DGKK: variants seen among roughly 807,000 people sequenced by gnomAD.
DGKK encodes diacylglycerol kinase kappa, also known as 142 kDa diacylglycerol kinase.
In DGKK, 35 loss-of-function variants were observed where a neutral mutation model predicts 92.2. The ratio of observed to expected loss-of-function variants is 0.38; its 90% CI spans 0.29 to 0.50. DGKK has a LOEUF of 0.50. Among genes scored for constraint, DGKK ranks in the 20% least tolerant of loss-of-function variants. DGKK has a pLI of 0.92. For synonymous variants in DGKK, 368 were observed against 360.6 expected, an observed-to-expected ratio of 1.02 and a Z score of -0.23; for missense variants, 910 against 992.2, an observed-to-expected ratio of 0.92 and a Z score of 1.11.
intron 1 of DGKK, among the ~76,000 whole-genome samples, chrX:50,459,902 C>T (rs932293909): frequency 2.7e-5 from 3 of 112,229 alleles, no homozygotes; most frequent in African/African-American, 9.7e-5. Flanking sequence ...GCTTCATTTA[C>T]TGTCCTCTTT....
In DGKK at chrX:50,375,093, CAA is replaced by C. The variant is rs1924237541; in HGVS notation, c.3415-38_3415-37del. The C allele has an allele frequency of 4.6e-6, 5 of 1,091,890 alleles. No individual in the cohort carries two copies. The East Asian group carries it at 1.5e-4, about 33-fold the overall frequency. The allele number at this position is 1,091,890 out of a possible 1,213,427, so 90.0% of individuals were successfully genotyped here. A position where few individuals can be genotyped will look rare whatever the true frequency, so the allele number is the denominator to read the frequency against. On this transcript the variant is annotated intron_variant, in intron 24 of 27. Coordinates refer to ENST00000611977, the MANE Select transcript of DGKK (RefSeq NM_001013742.4). ...AAGAACGGAAAAGGAGAGAAAAAGA[CAA>C]AGACAGGGGAGTTGTTGGTTAGTAA...
At position 50,368,833 on chromosome X, in the gene DGKK, G is replaced by A. The variant is rs782191659; in HGVS notation, c.*107C>T. On this transcript the variant is annotated 3_prime_UTR_variant, in exon 28 of 28. Coordinates refer to ENST00000611977, the MANE Select transcript of DGKK (RefSeq NM_001013742.4). Reference sequence around the variant, plus strand: ...GAAAAGAATTGGAGGGTCTTTCTTGGTGGTGCTCATGTTTGTTCTGAAATG... The same window carrying A: ...GAAAAGAATTGGAGGGTCTTTCTTGATGGTGCTCATGTTTGTTCTGAAATG... 36 of 617,105 alleles carry A rather than the reference G, an allele frequency of 5.8e-5. No individual in the cohort carries two copies. The highest frequency in any genetic ancestry group is 8.2e-5 in the Non-Finnish European group (33 of 404,499). 50.9% of individuals were successfully genotyped at this position (617,105 alleles called of 1,213,427 possible).
At chrX:50,401,827 A>G (rs180676355) in intron 7 of DGKK, among the ~76,000 whole-genome samples, 177 of 111,461 alleles carry the variant, frequency 1.6e-3, no homozygotes, top group Non-Finnish European at 2.8e-3. Flanking sequence ...TAGAAAACTC[A>G]GTTTTGGAGA....
chrX:50,440,076 T>C (rs1259949204), intron 1 of DGKK, among the ~76,000 whole-genome samples: 1 of 111,807 alleles, frequency 8.9e-6, no homozygotes, highest in Non-Finnish European at 1.9e-5. Flanking sequence ...GAATGTTTAT[T>C]ATTAAAACAT....
chrX:50,455,417 CTA>C (rs1361666507), intron 1 of DGKK, among the ~76,000 whole-genome samples: 1 of 112,139 alleles, frequency 8.9e-6, no homozygotes, highest in Non-Finnish European at 1.9e-5. Context: ...ATACTTCACA[CTA>C]TGTGTGAAGA....
In DGKK at chrX:50,404,114, G is replaced by A. The variant is rs1602280246; in HGVS notation, c.1013C>T (p.Thr338Ile). The change falls in exon 5 of 28, where the codon ACC (threonine) becomes ATC (isoleucine). Residue 338 changes from threonine to isoleucine, a missense_variant. Thr to Ile is a moderately conservative substitution (Grantham distance 89). Coordinates refer to ENST00000611977, the MANE Select transcript of DGKK (RefSeq NM_001013742.4). ...HCWYSSYSHR[T>I]QHCNVCRESI... ...CTCTCGACAAACATTGCAGTGCTGGGTCCGGTGGCTGTAACTGGAGTACCA... is the reference window on the plus strand; with the variant it reads ...CTCTCGACAAACATTGCAGTGCTGGATCCGGTGGCTGTAACTGGAGTACCA... The A allele has an allele frequency of 8.3e-7, 1 of 1,210,809 alleles. No individual in the cohort carries two copies.
rs1221376746 is a variant in DGKK at position 50,387,737 on chromosome X, T to G, written c.2019-84A>C. 6 of 588,747 alleles carry G rather than the reference T, an allele frequency of 1.0e-5. No individual in the cohort carries two copies. In the East Asian group the frequency reaches 2.1e-4, roughly 21 times the overall value. 48.5% of individuals were successfully genotyped at this position (588,747 alleles called of 1,213,427 possible). On this transcript the variant is annotated intron_variant, in intron 13 of 27. Transcript: ENST00000611977. ...TCTCTTATGTCATCAGTCCCCATCCTCCTCCTCTCTCTCTTTCCTGATCTG... is the reference window on the plus strand; with the variant it reads ...TCTCTTATGTCATCAGTCCCCATCCGCCTCCTCTCTCTCTTTCCTGATCTG...
chrX:50,386,300 C>T (rs1924541559), intron 15 of DGKK, 58 bp downstream of exon 15: 1 of 967,763 alleles, frequency 1.0e-6, no homozygotes, highest in African/African-American at 1.9e-5. Context: ...GCCAGTAAAC[C>T]ATCCTCTGGA....
intron 18 of DGKK, among the ~76,000 whole-genome samples, chrX:50,382,145 G>A (rs1924429130): frequency 8.9e-6 from 1 of 112,482 alleles, no homozygotes; most frequent in Non-Finnish European, 1.9e-5. Context: ...AGTGAAAACA[G>A]ATCTGAAGCC....
chrX:50,444,325 G>T (rs1035235099), intron 1 of DGKK, among the ~76,000 whole-genome samples: 4 of 111,000 alleles, frequency 3.6e-5, no homozygotes, highest in African/African-American at 6.6e-5. Flanking sequence ...GGGTACATGT[G>T]CAGGTTTGTT....
chrX:50,392,198 T>G lies in DGKK; in HGVS notation c.1704+143A>C, dbSNP rs782542802. The G allele has an allele frequency of 1.6e-4, 75 of 462,343 alleles. No individual in the cohort carries two copies. In the African/African-American group the frequency reaches 1.7e-3, roughly 11 times the overall value. 38.1% of individuals were successfully genotyped at this position (462,343 alleles called of 1,213,427 possible). A position where few individuals can be genotyped will look rare whatever the true frequency, so the allele number is the denominator to read the frequency against. ...TAGATGAGTAGGCTTAGATTGGGAA[T>G]CTACCAGTCAGGCTGAATATGAAAC... On this transcript the variant is annotated intron_variant, in intron 10 of 27. Coordinates refer to ENST00000611977, the MANE Select transcript of DGKK (RefSeq NM_001013742.4).
At chrX:50,422,372 G>T (rs1428398453) in intron 3 of DGKK, 74 bp downstream of exon 3, 1 of 840,325 alleles carries the variant, frequency 1.2e-6, no homozygotes, top group Non-Finnish European at 1.7e-6. Flanking sequence ...AAAGAAGCAA[G>T]AAGTGGTCAT....
At chrX:50,389,296 A>G (rs782680343) in intron 12 of DGKK, among the ~76,000 whole-genome samples, 1 of 112,162 alleles carries the variant, frequency 8.9e-6, no homozygotes, top group Admixed American at 9.4e-5. Flanking sequence ...TTTTTTGAGT[A>G]TGTCTCAAAT....
chrX:50,447,409 AAT>A (rs1300605253), intron 1 of DGKK, among the ~76,000 whole-genome samples: 680 of 12,390 alleles, frequency 0.055, 18 homozygotes, highest in Admixed American at 0.081. Context: ...ATATATATAT[AAT>A]ATATATATAT....
intron 1 of DGKK, among the ~76,000 whole-genome samples, chrX:50,455,312 CT>C (rs1386377422): frequency 1.8e-5 from 2 of 111,890 alleles, no homozygotes; most frequent in African/African-American, 6.5e-5. Flanking sequence ...CTTTGGAGAT[CT>C]TTTAATATCT....
intron 1 of DGKK, among the ~76,000 whole-genome samples, chrX:50,445,194 T>A (rs782345551): frequency 1.9e-5 from 2 of 105,784 alleles, no homozygotes; most frequent in Admixed American, 2.1e-4. Flanking sequence ...CTTTGTCAGA[T>A]GCATAGTTTG....
At chrX:50,469,165 C>T in intron 1 of DGKK, among the ~76,000 whole-genome samples, 1 of 111,324 alleles carries the variant, frequency 9.0e-6, no homozygotes. Flanking sequence ...TAGAAGGCGT[C>T]GCGGTAGACT....
In DGKK at chrX:50,403,224, A is replaced by C. The variant is rs782485465; in HGVS notation, c.1186-41T>G. 6.4e-5 allele frequency: 74 copies of C among 1,150,633 alleles called. No individual in the cohort carries two copies. The Admixed American group carries it at 2.0e-3, about 31-fold the overall frequency. 94.8% of individuals were successfully genotyped at this position (1,150,633 alleles called of 1,213,427 possible). A position where few individuals can be genotyped will look rare whatever the true frequency, so the allele number is the denominator to read the frequency against. On this transcript the variant is annotated intron_variant, in intron 6 of 27. Transcript: ENST00000611977. ...AAGACACAGGAGGTAGAAGTTAGAG[A>C]CATAAGGAGAGGAAGGGCCAACTGG...
rs781903574 is a variant in DGKK, at chrX:50,405,527, GGAGA to G, written c.943-1347_943-1344del. Reference sequence around the variant, plus strand: ...TTTCTGACATCAGTTGACAGTGGGGGGAGAGAGAGAGAGAGAGAGAGAGAGAGAG... The same window carrying G: ...TTTCTGACATCAGTTGACAGTGGGGGGAGAGAGAGAGAGAGAGAGAGAGAG... On this transcript the variant is annotated intron_variant, in intron 4 of 27. Transcript: ENST00000611977. 5.4e-3 allele frequency among the ~76,000 whole-genome samples: 542 copies of G among 100,833 alleles called. 1 individual carries two copies. Among genetic ancestry groups the G allele is most frequent in the Middle Eastern group, 0.02 (4 of 197 alleles). 87.6% of individuals were successfully genotyped at this position (100,833 alleles called of 115,157 possible).
Sources: gnomAD v4.1 joint callset for allele counts (sites outside exome capture counted in the v4.1 genomes callset) on GRCh38, gnomAD v4.1.1 for gene constraint, MANE v1.5 for transcripts, NCBI Gene and HGNC (gene_info 2026-07-23, HGNC 2026-07-21) for gene names.